Variants in FLRT2 observed in about 807,000 individuals in gnomAD.
The protein encoded by FLRT2 is leucine-rich repeat transmembrane protein FLRT2.
In FLRT2, 15 loss-of-function variants were observed where a neutral mutation model predicts 40.0. That is an observed-to-expected ratio of 0.38 (90% CI 0.25 to 0.58). The LOEUF (loss-of-function observed/expected upper bound fraction) is 0.58, where lower values mean the gene tolerates loss of function less well. Among genes scored for constraint, FLRT2 ranks in the 20% least tolerant of loss-of-function variants. The pLI is 0.71. For missense variants in FLRT2, 726 were observed against 840.0 expected (o/e 0.86, Z 1.68); for synonymous variants, 380 against 336.8 (o/e 1.13, Z -1.41).
chr14:85,606,348 C>A (rs926514671), intron 1 of FLRT2, among the ~76,000 whole-genome samples: 1 of 151,998 alleles, frequency 6.6e-6, no homozygotes, highest in Admixed American at 6.6e-5. Context: ...TACATATATC[C>A]CACCTACCTG....
rs1893799542 is a variant in FLRT2, at chr14:85,628,888, T to C, written c.*5391T>C. On this transcript the variant is annotated 3_prime_UTR_variant, in exon 2 of 2. Transcript: ENST00000330753. ...AAAAATACCATTCATTCAAAATAAT[T>C]CATTAATGTCCTCCTACTCTGTTCC... 1 of 152,180 alleles carries C rather than the reference T, an allele frequency of 6.6e-6. No homozygotes were observed. Among genetic ancestry groups the C allele is most frequent in the Admixed American group, 6.5e-5 (1 of 15,268 alleles). The allele number at this position is 152,180 out of a possible 1,614,324, so 9.4% of individuals were successfully genotyped here. A position where few individuals can be genotyped will look rare whatever the true frequency, so the allele number is the denominator to read the frequency against.
At chr14:85,591,955 A>G (rs1420085133) in intron 1 of FLRT2, among the ~76,000 whole-genome samples, 1 of 152,196 alleles carries the variant, frequency 6.6e-6, no homozygotes, top group Non-Finnish European at 1.5e-5. Context: ...TAATTTTAAT[A>G]TGCATTTATG....
chr14:85,639,672 G>A lies in FLRT2; in HGVS notation c.*16175G>A, dbSNP rs562080649. 1.3e-5 allele frequency: 2 copies of A among 151,998 alleles called. No homozygotes were observed. The highest frequency in any genetic ancestry group is 4.1e-4 in the South Asian group (2 of 4,824). 9.4% of individuals were successfully genotyped at this position (151,998 alleles called of 1,614,324 possible). On this transcript the variant is annotated 3_prime_UTR_variant, in exon 2 of 2. Transcript: ENST00000330753. ...ATTTATAGACTATTGATATTATTAT[G>A]TGCATTACCCATTTTAAAGATGGAA... is the stretch of plus-strand genomic sequence containing the variant.
intron 1 of FLRT2, among the ~76,000 whole-genome samples, chr14:85,596,894 A>G (rs911720265): frequency 5.9e-5 from 9 of 152,200 alleles, no homozygotes; most frequent in African/African-American, 2.2e-4. Flanking sequence ...AAACAAGCAA[A>G]CATTTAAAAA....
At position 85,572,856 on chromosome 14, in the gene FLRT2, G is replaced by C. The variant is rs182576839; in HGVS notation, c.-377+42322G>C. 7.9e-4 allele frequency among the ~76,000 whole-genome samples: 120 copies of C among 152,224 alleles called. 3 individuals are homozygous for C. The South Asian group carries it at 0.017, about 21-fold the overall frequency. On this transcript the variant is annotated intron_variant, in intron 1 of 1. Transcript: ENST00000330753. ...TACAGATGGCTAAGGGACTTAGAGA[G>C]TTTGAGTAGCCTGTCCAGATCTTAT...
intron 1 of FLRT2, among the ~76,000 whole-genome samples, chr14:85,537,009 C>A (rs373386122): frequency 9.2e-5 from 14 of 152,132 alleles, no homozygotes; most frequent in African/African-American, 3.4e-4. Context: ...AAACTTGAGA[C>A]GAGCTCAAAA....
At position 85,635,389 on chromosome 14, in the gene FLRT2, C is replaced by A. The variant is rs941104535; in HGVS notation, c.*11892C>A. On this transcript the variant is annotated 3_prime_UTR_variant, in exon 2 of 2. Coordinates refer to ENST00000330753, the MANE Select transcript of FLRT2 (RefSeq NM_013231.6). ...TGAAAACAAAACTCATTAGTTCAAC[C>A]ACTTCTCCCTCAAAACAAGGAAATA... is the stretch of plus-strand genomic sequence containing the variant. The A allele has an allele frequency of 6.6e-6, 1 of 152,054 alleles. No homozygotes were observed. Among genetic ancestry groups the A allele is most frequent in the Non-Finnish European group, 1.5e-5 (1 of 67,966 alleles). 9.4% of individuals were successfully genotyped at this position (152,054 alleles called of 1,614,324 possible).
At chr14:85,605,253 G>A (rs961930735) in intron 1 of FLRT2, among the ~76,000 whole-genome samples, 1 of 152,056 alleles carries the variant, frequency 6.6e-6, no homozygotes, top group Non-Finnish European at 1.5e-5. Context: ...AAATATAATT[G>A]GAGATTGGGA....
intron 1 of FLRT2, among the ~76,000 whole-genome samples, chr14:85,582,825 G>A (rs937282333): frequency 6.6e-6 from 1 of 151,624 alleles, no homozygotes; most frequent in Non-Finnish European, 1.5e-5. Flanking sequence ...GTTAAGTAGC[G>A]GCTAGCAGAA....
Position 85,653,891 on chromosome 14 carries a change from A to AT in FLRT2, c.*30401dup, listed in dbSNP as rs1231811212. ...AAGAAAACATAGCAAAATTATACCT[A>AT]TTTTTTTAAATTGAAGTACAAAGAA... On this transcript the variant is annotated 3_prime_UTR_variant, in exon 2 of 2. Transcript: ENST00000330753. 4 of 152,096 alleles carry AT rather than the reference A, an allele frequency of 2.6e-5. No homozygotes were observed. The East Asian group carries it at 5.8e-4, about 22-fold the overall frequency. The allele number at this position is 152,096 out of a possible 1,614,324, so 9.4% of individuals were successfully genotyped here.
chr14:85,581,115 T>C (rs1429658102), intron 1 of FLRT2, among the ~76,000 whole-genome samples: 1 of 152,232 alleles, frequency 6.6e-6, no homozygotes, highest in Non-Finnish European at 1.5e-5. Context: ...CCATGCCTTC[T>C]AATTGTTGAC....
At chr14:85,550,395 A>G (rs1348518171) in intron 1 of FLRT2, among the ~76,000 whole-genome samples, 1 of 152,212 alleles carries the variant, frequency 6.6e-6, no homozygotes, top group Non-Finnish European at 1.5e-5. Flanking sequence ...TCAAACAGGG[A>G]AGCAAAAAAA....
At chr14:85,543,102 CCTT>C (rs2139812598) in intron 1 of FLRT2, among the ~76,000 whole-genome samples, 1 of 152,270 alleles carries the variant, frequency 6.6e-6, no homozygotes, top group Non-Finnish European at 1.5e-5. Context: ...TTTATTGTAA[CCTT>C]CTCATGCCCT....
chr14:85,601,841 A>G (rs1892390894), intron 1 of FLRT2, among the ~76,000 whole-genome samples: 1 of 152,236 alleles, frequency 6.6e-6, no homozygotes, highest in Non-Finnish European at 1.5e-5. Flanking sequence ...GTACTAGCAG[A>G]AGGATTTCCC....
chr14:85,561,412 G>C (rs1199955356), intron 1 of FLRT2: 5 of 152,210 alleles, frequency 3.3e-5, no homozygotes, highest in Admixed American at 1.3e-4. Context: ...TCAACATACT[G>C]TAAGGAATAA....
chr14:85,622,003 G>A lies in FLRT2; in HGVS notation c.489G>A (p.Leu163=), dbSNP rs2139370434. The change falls in exon 2 of 2, where the codon TTG becomes TTA. Residue 163 remains leucine, a synonymous_variant. Coordinates refer to ENST00000330753, the MANE Select transcript of FLRT2 (RefSeq NM_013231.6). ...GAFREAISLK[L]LFLSKNHLSS... ...TCCGGGAGGCTATTAGCCTCAAATT[G>A]TTGTTTTTGTCTAAGAATCACCTGA... 1 of 1,608,646 alleles carries A rather than the reference G, an allele frequency of 6.2e-7. No homozygotes were observed. Among genetic ancestry groups the A allele is most frequent in the South Asian group, 1.1e-5 (1 of 90,080 alleles).
rs370034000 is a variant in FLRT2, at chr14:85,557,816, CAATA to C, written c.-377+27294_-377+27297del. ...GGGCAACAAGAGTAAAACTCCATTT[CAATA>C]AATAAATAAATTAATTAATTAATTA... On this transcript the variant is annotated intron_variant, in intron 1 of 1. Transcript: ENST00000330753. Among the ~76,000 whole-genome samples the C allele has an allele frequency of 9.5e-4, 144 of 151,622 alleles. 3 individuals carry two copies. The South Asian group carries it at 0.019, about 20-fold the overall frequency.
At chr14:85,544,572 G>C (rs1271732244) in intron 1 of FLRT2, among the ~76,000 whole-genome samples, 1 of 152,196 alleles carries the variant, frequency 6.6e-6, no homozygotes, top group Non-Finnish European at 1.5e-5. Context: ...GCTCTCCAGA[G>C]AAGGGAAAAG....
chr14:85,535,583 C>A (rs1384337291), intron 1 of FLRT2, among the ~76,000 whole-genome samples: 2 of 152,172 alleles, frequency 1.3e-5, no homozygotes, highest in East Asian at 3.8e-4. Context: ...AATACGCATA[C>A]CATGAAAAGT....
Sources: allele counts gnomAD v4.1 joint callset (sites outside exome capture counted in the v4.1 genomes callset), GRCh38; gene constraint gnomAD v4.1.1; transcripts MANE v1.5; gene names NCBI Gene and HGNC (gene_info 2026-07-23, HGNC 2026-07-21).